The following SLC36A4 variants were observed in gnomAD, a reference collection of about 807,000 sequenced individuals.
The protein encoded by SLC36A4 is neutral amino acid uniporter 4.
In SLC36A4, 49 loss-of-function variants were observed where a neutral mutation model predicts 50.5. The observed-to-expected ratio is 0.97, with a 90% CI of 0.77 to 1.23. The LOEUF (loss-of-function observed/expected upper bound fraction) is 1.23. Among genes scored for constraint, SLC36A4 ranks in the 50% most tolerant of loss-of-function variants. The pLI, the probability that SLC36A4 is intolerant of heterozygous loss-of-function variation, is 0.00. For missense variants in SLC36A4, 611 were observed against 608.4 expected (o/e 1.00, Z -0.05); for synonymous variants, 207 against 206.5 (o/e 1.00, Z -0.02).
intron 6 of SLC36A4, among the ~76,000 whole-genome samples, chr11:93,172,136 G>C (rs1465826290): frequency 6.6e-6 from 1 of 151,710 alleles, no homozygotes. Flanking sequence ...TTTAAAACTA[G>C]GATATTTTGA....
intron 1 of SLC36A4, among the ~76,000 whole-genome samples, chr11:93,196,704 T>C (rs1862445801): frequency 6.6e-6 from 1 of 152,222 alleles, no homozygotes; most frequent in Non-Finnish European, 1.5e-5. Flanking sequence ...ATATTATCCC[T>C]TTCCTGCCAG....
chr11:93,166,304 A>T, intron 7 of SLC36A4: 1 of 1,108,442 alleles, frequency 9.0e-7, no homozygotes, highest in Non-Finnish European at 1.1e-6. Flanking sequence ...AACACTAGGT[A>T]TGGCTCCTGC....
intron 10 of SLC36A4, 116 bp downstream of exon 10, chr11:93,153,992 A>G: frequency 3.7e-6 from 2 of 536,222 alleles, no homozygotes; most frequent in Non-Finnish European, 5.8e-6. Flanking sequence ...ATTGTTTTAA[A>G]AATATTGAAA....
intron 6 of SLC36A4, among the ~76,000 whole-genome samples, chr11:93,177,788 G>A (rs1861552555): frequency 1.3e-5 from 2 of 152,300 alleles, no homozygotes; most frequent in South Asian, 4.1e-4. Context: ...CCCCTACTGG[G>A]AGGCGTCTCC....
At chr11:93,177,074 C>T (rs1055497878) in intron 6 of SLC36A4, among the ~76,000 whole-genome samples, 1 of 152,222 alleles carries the variant, frequency 6.6e-6, no homozygotes, top group Non-Finnish European at 1.5e-5. Flanking sequence ...TTCTCCCCAA[C>T]ACTTTCAGGT....
Position 93,162,800 on chromosome 11 carries a change from T to G in SLC36A4, c.943A>C (p.Thr315Pro). The G allele has an allele frequency of 6.2e-7, 1 of 1,613,804 alleles. No homozygotes were observed. The highest frequency in any genetic ancestry group is 1.7e-5 in the Admixed American group (1 of 59,968). The change falls in exon 9 of 11, where the codon ACA becomes CCA. Residue 315 changes from threonine (T) to proline (P), a missense_variant. Thr to Pro is a conservative substitution (Grantham distance 38, BLOSUM62 -1). Transcript: ENST00000326402. Reference protein sequence around the residue: ...QALNIGMGIVTTLYVTLATLG... With the variant: ...QALNIGMGIVPTLYVTLATLG... ...GTAGCTAATGTTACATACAAAGTTGTAACAATCCCCATGCCAATATTCAAC... is the reference window on the plus strand; with the variant it reads ...GTAGCTAATGTTACATACAAAGTTGGAACAATCCCCATGCCAATATTCAAC...
At chr11:93,160,669 T>G (rs1437916473) in intron 9 of SLC36A4, 1 of 985,226 alleles carries the variant, frequency 1.0e-6, no homozygotes, top group East Asian at 1.1e-4. Context: ...AATGTGAATG[T>G]GTGCACACTC....
intron 6 of SLC36A4, among the ~76,000 whole-genome samples, chr11:93,176,094 T>G (rs1167665291): frequency 1.4e-5 from 2 of 144,110 alleles, no homozygotes; most frequent in African/African-American, 5.2e-5. Flanking sequence ...AGTCTCTTTG[T>G]AGGTCACTCA....
intron 9 of SLC36A4, among the ~76,000 whole-genome samples, chr11:93,158,311 C>T (rs10765588): frequency 0.24 from 36,145 of 151,910 alleles, 5,214 homozygotes; most frequent in East Asian, 0.32. Flanking sequence ...AATTAATTAT[C>T]TTTTCACTTA....
intron 1 of SLC36A4, chr11:93,193,081 C>G (rs1018046681): frequency 5.2e-5 from 41 of 793,852 alleles, no homozygotes; most frequent in Non-Finnish European, 5.6e-5. Context: ...ATATTAGAAG[C>G]ATATTAAGCT....
chr11:93,159,321 A>G (rs1404101456), intron 9 of SLC36A4, among the ~76,000 whole-genome samples: 3 of 152,212 alleles, frequency 2.0e-5, no homozygotes, highest in African/African-American at 7.2e-5. Context: ...ATCAAAATTT[A>G]TAATGCTTTT....
At chr11:93,150,047 C>A (rs1860007813) in intron 10 of SLC36A4, among the ~76,000 whole-genome samples, 1 of 152,070 alleles carries the variant, frequency 6.6e-6, no homozygotes, top group Non-Finnish European at 1.5e-5. Flanking sequence ...TGGTCTGGCG[C>A]TTTCTTGATC....
rs761278961 is a variant in SLC36A4 at position 93,165,966 on chromosome 11, G to C, written c.819C>G (p.Tyr273Ter). Residue 273 changes from tyrosine to a stop codon, truncating the protein, a stop_gained, in exon 8 of 11, where the codon TAC (tyrosine) becomes TAG (stop). Transcript: ENST00000326402. LOFTEE classifies it high-confidence loss of function. Reference sequence around the variant, plus strand: ...ATACAGCAGTACCAAAAAAGAGTGGGTATTTCTTCCAACCAGCCACTATTG... The same window carrying C: ...ATACAGCAGTACCAAAAAAGAGTGGCTATTTCTTCCAACCAGCCACTATTG... ...NLPIVAGWKK[Y>*]PLFFGTAVFA... 1.2e-6 allele frequency: 2 copies of C among 1,611,048 alleles called. No individual in the cohort carries two copies. The highest frequency in any genetic ancestry group is 1.7e-6 in the Non-Finnish European group (2 of 1,178,484).
chr11:93,170,599 T>C (rs1416964314), intron 6 of SLC36A4, among the ~76,000 whole-genome samples: 1 of 152,094 alleles, frequency 6.6e-6, no homozygotes, highest in Non-Finnish European at 1.5e-5. Context: ...TGAACTCCTA[T>C]CTTCTGATTC....
chr11:93,180,870 T>C lies in SLC36A4; in HGVS notation c.467A>G (p.Asp156Gly). 1.9e-6 allele frequency: 3 copies of C among 1,611,114 alleles called. No homozygotes were observed. Among genetic ancestry groups the C allele is most frequent in the Non-Finnish European group, 2.5e-6 (3 of 1,177,648 alleles). ...CAGCTGTGTTATCACCAGAAAAAAG[T>C]CAACCACACTCCTGAAAAAAGATAT... ...KQAAWGRSVV[D>G]FFLVITQLGF... The change falls in exon 6 of 11, where the codon GAC becomes GGC. Residue 156 changes from aspartate to glycine, a missense_variant. Physicochemically the swap from Asp to Gly is moderately conservative, Grantham distance 94. Coordinates refer to ENST00000326402, the MANE Select transcript of SLC36A4 (RefSeq NM_152313.4).
chr11:93,175,443 T>C (rs1350999405), intron 6 of SLC36A4, among the ~76,000 whole-genome samples: 1 of 151,296 alleles, frequency 6.6e-6, no homozygotes, highest in East Asian at 2.0e-4. Context: ...GTGTCTCTAT[T>C]TCCTTCAGTT....
At chr11:93,177,414 A>G (rs1244942273) in intron 6 of SLC36A4, among the ~76,000 whole-genome samples, 2 of 152,150 alleles carry the variant, frequency 1.3e-5, no homozygotes, top group East Asian at 1.9e-4. Flanking sequence ...TAGCTTGAAG[A>G]AGTTTGTTAC....
At chr11:93,163,732 G>T (rs1860734718) in intron 8 of SLC36A4, among the ~76,000 whole-genome samples, 1 of 152,020 alleles carries the variant, frequency 6.6e-6, no homozygotes, top group Non-Finnish European at 1.5e-5. Context: ...GTAGGAGGGG[G>T]ATTAGTTCTA....
At chr11:93,179,891 T>C (rs960720966) in intron 6 of SLC36A4, among the ~76,000 whole-genome samples, 4 of 152,128 alleles carry the variant, frequency 2.6e-5, no homozygotes, top group African/African-American at 9.7e-5. Context: ...AAGCAGAAAA[T>C]ACTTATTAAC....
Sources: gnomAD v4.1 joint callset for allele counts (sites outside exome capture counted in the v4.1 genomes callset) on GRCh38, gnomAD v4.1.1 for gene constraint, MANE v1.5 for transcripts, NCBI Gene and HGNC (gene_info 2026-07-23, HGNC 2026-07-21) for gene names.